SUB1: variants seen among roughly 807,000 people sequenced by gnomAD.
The protein encoded by SUB1 is activated RNA polymerase II transcriptional coactivator p15.
SUB1 carries 1 observed loss-of-function variant against 16.9 expected under a neutral mutation model. That is an observed-to-expected ratio of 0.06 (90% CI 0.02 to 0.28). The LOEUF is 0.28. Ranked by LOEUF, SUB1 falls within the 10% of genes least tolerant of loss-of-function variation. The pLI is 1.00. For missense variants in SUB1, 84 were observed against 145.2 expected (o/e 0.58, Z 2.16); for synonymous variants, 51 against 46.9 (o/e 1.09, Z -0.36).
chr5:32,596,466 C>T (rs1438875128), intron 3 of SUB1: 1 of 152,108 alleles, frequency 6.6e-6, no homozygotes, highest in Non-Finnish European at 1.5e-5. Flanking sequence ...ATTTTGCCTA[C>T]CATGGCCACA....
intron 1 of SUB1, among the ~76,000 whole-genome samples, chr5:32,587,699 C>T (rs1197581411): frequency 6.6e-6 from 1 of 151,912 alleles, no homozygotes; most frequent in African/African-American, 2.4e-5. Context: ...CAACCTCTGC[C>T]TCCGGTGTTG....
chr5:32,599,671 T>G (rs1739068455), intron 4 of SUB1, among the ~76,000 whole-genome samples: 1 of 152,078 alleles, frequency 6.6e-6, no homozygotes, highest in African/African-American at 2.4e-5. Flanking sequence ...CCTGTTAGTT[T>G]GAAAGGTACC....
At chr5:32,598,630 GATAAA>G (rs770065964) in intron 3 of SUB1, 14 of 177,996 alleles carry the variant, frequency 7.9e-5, no homozygotes, top group South Asian at 1.6e-4. Flanking sequence ...GATAGTAAGT[GATAAA>G]ATAACCTCAT....
intron 2 of SUB1, 40 bp downstream of exon 2, chr5:32,588,624 C>G (rs1217168969): frequency 1.3e-6 from 2 of 1,572,860 alleles, no homozygotes; most frequent in Non-Finnish European, 1.7e-6. Context: ...TGATACTCAA[C>G]AATATTGTCC....
chr5:32,586,639 C>T (rs1327926615), intron 1 of SUB1: 3 of 152,070 alleles, frequency 2.0e-5, no homozygotes, highest in Admixed American at 6.6e-5. Flanking sequence ...TGATAACAGA[C>T]GGTAGTTATG....
At chr5:32,592,581 G>T (rs1228796841) in intron 3 of SUB1, among the ~76,000 whole-genome samples, 1 of 152,190 alleles carries the variant, frequency 6.6e-6, no homozygotes, top group Non-Finnish European at 1.5e-5. Context: ...TAATCTGTAT[G>T]TGAGGTGATA....
intron 1 of SUB1, chr5:32,586,252 G>T (rs1398676428): frequency 6.6e-6 from 1 of 152,206 alleles, no homozygotes; most frequent in African/African-American, 2.4e-5. Flanking sequence ...GCTTGCTGGG[G>T]CCGCGCGACC....
intron 1 of SUB1, among the ~76,000 whole-genome samples, chr5:32,588,219 A>G (rs1316195431): frequency 6.6e-6 from 1 of 152,230 alleles, no homozygotes; most frequent in Non-Finnish European, 1.5e-5. Context: ...GTGTAATGCC[A>G]TTAAAACGAA....
intron 2 of SUB1, 127 bp from the exon 3 acceptor site, chr5:32,591,436 T>C: frequency 7.9e-7 from 1 of 1,272,784 alleles, no homozygotes; most frequent in South Asian, 1.8e-5. Context: ...AACTTGCTTA[T>C]GTATATATTT....
At position 32,603,876 on chromosome 5, in the gene SUB1, A is replaced by G. The variant is rs1298620468; in HGVS notation, c.*2792A>G. ...GTTCATTTTTTATGGCAGTTAATCCAGTGAAACACTCAAAAGTTTTTTTTT... is the reference window on the plus strand; with the variant it reads ...GTTCATTTTTTATGGCAGTTAATCCGGTGAAACACTCAAAAGTTTTTTTTT... On this transcript the variant is annotated 3_prime_UTR_variant, in exon 5 of 5. Transcript: ENST00000265073. 3 of 150,980 alleles carry G rather than the reference A, an allele frequency of 2.0e-5. No homozygotes were observed. Among genetic ancestry groups the G allele is most frequent in the Non-Finnish European group, 4.4e-5 (3 of 67,714 alleles). 9.4% of individuals were successfully genotyped at this position (150,980 alleles called of 1,614,324 possible).
intron 2 of SUB1, 46 bp from the exon 3 acceptor site, chr5:32,591,515 GTA>G: frequency 6.5e-7 from 1 of 1,545,288 alleles, no homozygotes; most frequent in East Asian, 2.3e-5. Context: ...TGACACTGGG[GTA>G]TGTTTTATTT....
At position 32,594,688 on chromosome 5, in the gene SUB1, C is replaced by T. The variant is rs1308369509; in HGVS notation, c.195+3003C>T. ...CAGATCAGCAGCGGCATTAGATTCT[C>T]ATAGGAGCGCGAACCCTATTGTGAA... On this transcript the variant is annotated intron_variant, in intron 3 of 4. Coordinates refer to ENST00000265073, the MANE Select transcript of SUB1 (RefSeq NM_006713.4). 3.2e-5 allele frequency: 14 copies of T among 434,324 alleles called. 1 individual carries two copies. Among genetic ancestry groups the T allele is most frequent in the South Asian group, 2.1e-4 (13 of 61,866 alleles). 26.9% of individuals were successfully genotyped at this position (434,324 alleles called of 1,614,324 possible).
At chr5:32,594,225 C>T (rs1183055062) in intron 3 of SUB1, among the ~76,000 whole-genome samples, 1 of 152,172 alleles carries the variant, frequency 6.6e-6, no homozygotes, top group East Asian at 1.9e-4. Context: ...GAGATGCTTA[C>T]TTCCTGGTTC....
intron 3 of SUB1, chr5:32,594,695 G>C (rs1282891842): frequency 2.4e-6 from 1 of 424,358 alleles, no homozygotes; most frequent in African/African-American, 2.1e-5. Flanking sequence ...TCTCATAGGA[G>C]CGCGAACCCT....
At chr5:32,600,786 T>G (rs1319738633) in intron 4 of SUB1, among the ~76,000 whole-genome samples, 1 of 151,968 alleles carries the variant, frequency 6.6e-6, no homozygotes, top group East Asian at 1.9e-4. Flanking sequence ...GTATTTTTAG[T>G]AGAGATGGGG....
rs1454559926 is a variant in SUB1 at position 32,585,591 on chromosome 5, C to CA, written c.-34dup. 5 of 152,236 alleles carry CA rather than the reference C, an allele frequency of 3.3e-5. No individual in the cohort carries two copies. The highest frequency in any genetic ancestry group is 1.2e-4 in the African/African-American group (5 of 41,442). The allele number at this position is 152,236 out of a possible 1,614,324, so 9.4% of individuals were successfully genotyped here. A position where few individuals can be genotyped will look rare whatever the true frequency, so the allele number is the denominator to read the frequency against. ...TCTCTGTCAGTCGCGAGCGAACGAC[C>CA]AAGAGGGTGTTCGACTGCTAGAGCC... On this transcript the variant is annotated 5_prime_UTR_variant, in exon 1 of 5. Coordinates refer to ENST00000265073, the MANE Select transcript of SUB1 (RefSeq NM_006713.4).
At chr5:32,590,345 C>G (rs1738787415) in intron 2 of SUB1, among the ~76,000 whole-genome samples, 3 of 151,790 alleles carry the variant, frequency 2.0e-5, no homozygotes, top group Non-Finnish European at 2.9e-5. Flanking sequence ...CATGACTGCC[C>G]TCTTCTGTTT....
intron 4 of SUB1, 91 bp downstream of exon 4, chr5:32,599,160 G>A (rs1561037671): frequency 4.6e-6 from 4 of 870,750 alleles, no homozygotes; most frequent in Non-Finnish European, 7.4e-6. Flanking sequence ...CAGGACACAC[G>A]GGGCAAGGAA....
chr5:32,599,843 G>T (rs1375078941), intron 4 of SUB1, among the ~76,000 whole-genome samples: 3 of 151,690 alleles, frequency 2.0e-5, no homozygotes, highest in Non-Finnish European at 2.9e-5. Flanking sequence ...CAATTTCATG[G>T]CCTTCCAGCA....
Sources: allele counts gnomAD v4.1 joint callset (sites outside exome capture counted in the v4.1 genomes callset), GRCh38; gene constraint gnomAD v4.1.1; transcripts MANE v1.5; gene names NCBI Gene and HGNC (gene_info 2026-07-23, HGNC 2026-07-21).